Variants in RABGAP1L observed in about 807,000 individuals in gnomAD.
RABGAP1L encodes rab GTPase-activating protein 1-like.
Under a neutral mutation model 137.7 loss-of-function variants are expected in RABGAP1L, and 63 were observed. The ratio of observed to expected loss-of-function variants is 0.46; its 90% CI spans 0.37 to 0.56. RABGAP1L has a LOEUF of 0.56. Ranked by LOEUF, RABGAP1L falls within the 20% of genes least tolerant of loss-of-function variation. RABGAP1L has a pLI of 0.00. For missense variants in RABGAP1L, 1,095 were observed against 1,244.0 expected (o/e 0.88, Z 1.80); for synonymous variants, 431 against 433.7 (o/e 0.99, Z 0.08).
intron 13 of RABGAP1L, among the ~76,000 whole-genome samples, chr1:174,591,060 A>G (rs1442462089): frequency 8.2e-5 from 6 of 72,950 alleles, no homozygotes; most frequent in Non-Finnish European, 9.3e-5. Flanking sequence ...GTGTGAGATG[A>G]TATCTCATAG....
intron 15 of RABGAP1L, among the ~76,000 whole-genome samples, chr1:174,690,319 C>A (rs1301312697): frequency 6.6e-6 from 1 of 152,086 alleles, no homozygotes; most frequent in African/African-American, 2.4e-5. Context: ...AAGAGTCTTA[C>A]ATATTTTGTA....
At chr1:174,191,236 C>T (rs1318526923) in intron 1 of RABGAP1L, among the ~76,000 whole-genome samples, 2 of 152,144 alleles carry the variant, frequency 1.3e-5, no homozygotes, top group Non-Finnish European at 2.9e-5. Flanking sequence ...CATTTCATTG[C>T]ATACTGTTAA....
chr1:174,288,138 A>T (rs1366336038), intron 10 of RABGAP1L, among the ~76,000 whole-genome samples: 1 of 152,152 alleles, frequency 6.6e-6, no homozygotes, highest in Non-Finnish European at 1.5e-5. Flanking sequence ...TAGGTTATTG[A>T]TGTTACAGCT....
chr1:174,689,915 T>C (rs1004492872), intron 15 of RABGAP1L, among the ~76,000 whole-genome samples: 1 of 152,208 alleles, frequency 6.6e-6, no homozygotes, highest in Non-Finnish European at 1.5e-5. Context: ...TTGAGTGATA[T>C]ACTTACTACA....
At chr1:174,413,783 A>G (rs1047661868) in intron 13 of RABGAP1L, among the ~76,000 whole-genome samples, 1 of 152,112 alleles carries the variant, frequency 6.6e-6, no homozygotes, top group Non-Finnish European at 1.5e-5. Flanking sequence ...TGTGCAATTT[A>G]ATGTACAAGC....
chr1:174,577,706 C>T (rs1668482074), intron 13 of RABGAP1L, among the ~76,000 whole-genome samples: 1 of 152,250 alleles, frequency 6.6e-6, no homozygotes, highest in African/African-American at 2.4e-5. Flanking sequence ...ATGAAGAAAG[C>T]TGTTTCATAA....
At chr1:174,498,348 T>A (rs753949882) in intron 13 of RABGAP1L, among the ~76,000 whole-genome samples, 4 of 152,264 alleles carry the variant, frequency 2.6e-5, no homozygotes, top group Admixed American at 2.6e-4. Flanking sequence ...AATTAAAAGG[T>A]CTTGTTGAAT....
Position 174,969,266 on chromosome 1 carries a change from T to C in RABGAP1L, c.2434-11T>C, listed in dbSNP as rs1030092442. On this transcript the variant is annotated splice_polypyrimidine_tract_variant and intron_variant, in intron 20 of 25. Coordinates refer to ENST00000681986, the MANE Select transcript of RABGAP1L (RefSeq NM_001366446.1). ...CACTAATGCCCACCTCTGGCTATTG[T>C]TCTTCTGCAGAGGGAGAACCGAAGA... 5 of 1,540,520 alleles carry C rather than the reference T, an allele frequency of 3.2e-6. No homozygotes were observed. Among genetic ancestry groups the C allele is most frequent in the Non-Finnish European group, 4.4e-6 (5 of 1,137,644 alleles).
chr1:174,614,855 T>A (rs181092333), intron 13 of RABGAP1L, among the ~76,000 whole-genome samples: 15 of 152,362 alleles, frequency 9.8e-5, no homozygotes, highest in African/African-American at 3.4e-4. Context: ...TACCCTTTCT[T>A]CCAGTTGATC....
intron 10 of RABGAP1L, among the ~76,000 whole-genome samples, chr1:174,302,580 A>G (rs1677819928): frequency 6.6e-6 from 1 of 152,204 alleles, no homozygotes; most frequent in Admixed American, 6.5e-5. Flanking sequence ...ATTTTCAGGC[A>G]AGAGATAGTT....
chr1:174,223,569 A>G (rs1369732644), intron 3 of RABGAP1L, among the ~76,000 whole-genome samples: 1 of 152,086 alleles, frequency 6.6e-6, no homozygotes, highest in Non-Finnish European at 1.5e-5. Flanking sequence ...AAATTTATGT[A>G]AAATTTTAAT....
At chr1:174,728,963 C>T (rs1444793829) in intron 17 of RABGAP1L, among the ~76,000 whole-genome samples, 1 of 152,026 alleles carries the variant, frequency 6.6e-6, no homozygotes, top group Non-Finnish European at 1.5e-5. Context: ...TTTGACAGAA[C>T]TAAATAAAAC....
intron 1 of RABGAP1L, among the ~76,000 whole-genome samples, chr1:174,180,496 ACT>A (rs1666262397): frequency 6.6e-6 from 1 of 152,154 alleles, no homozygotes; most frequent in Non-Finnish European, 1.5e-5. Flanking sequence ...ATAAGGTCTC[ACT>A]CTGTCACCTA....
At chr1:174,642,742 C>A (rs1674635791) in intron 14 of RABGAP1L, among the ~76,000 whole-genome samples, 1 of 135,582 alleles carries the variant, frequency 7.4e-6, no homozygotes. Context: ...TCCCCCTCTC[C>A]CCCTCTCCCC....
intron 18 of RABGAP1L, among the ~76,000 whole-genome samples, chr1:174,778,753 C>G (rs915909120): frequency 3.3e-5 from 5 of 152,036 alleles, no homozygotes; most frequent in Admixed American, 6.6e-5. Context: ...TGCCACCATG[C>G]CCGGCTAATT....
rs150767156 is a variant in RABGAP1L, at chr1:174,762,877, C to G, written c.2211+10523C>G. Among the ~76,000 whole-genome samples the G allele has an allele frequency of 2.0e-4, 26 of 131,624 alleles. 1 individual carries two copies. In the East Asian group the frequency reaches 5.8e-3, roughly 30 times the overall value. The allele number at this position is 131,624 out of a possible 152,430, so 86.4% of individuals were successfully genotyped here. ...TTGCTCAGGCTGGAGTGCAGTGGCT[C>G]TATCTCAGCTCACTGGAACCTCCAC... On this transcript the variant is annotated intron_variant, in intron 18 of 25. Transcript: ENST00000681986.
intron 1 of RABGAP1L, among the ~76,000 whole-genome samples, chr1:174,175,027 AT>A (rs1665719547): frequency 6.6e-6 from 1 of 152,234 alleles, no homozygotes; most frequent in Non-Finnish European, 1.5e-5. Context: ...TATTACTAAG[AT>A]TTTTAAAATA....
Position 174,161,250 on chromosome 1 carries a change from TA to T in RABGAP1L, c.-34+1594del, listed in dbSNP as rs1664419492. On this transcript the variant is annotated intron_variant, in intron 1 of 25. Coordinates refer to ENST00000681986, the MANE Select transcript of RABGAP1L (RefSeq NM_001366446.1). ...TTATTATTATTATTATTATTATTAT[TA>T]TTATTTTTGAGACGAAGTTTCGCTC... is the stretch of plus-strand genomic sequence containing the variant. Among the ~76,000 whole-genome samples, 3 of 149,794 alleles carry T rather than the reference TA, an allele frequency of 2.0e-5. No homozygotes were observed. In the South Asian group the frequency reaches 6.3e-4, roughly 31 times the overall value.
chr1:174,298,895 C>G (rs1216994235), intron 10 of RABGAP1L, among the ~76,000 whole-genome samples: 2 of 152,212 alleles, frequency 1.3e-5, no homozygotes, highest in Non-Finnish European at 2.9e-5. Flanking sequence ...CCCTTTTGTT[C>G]TTTCTGAGCT....
Sources: allele counts gnomAD v4.1 joint callset (sites outside exome capture counted in the v4.1 genomes callset), GRCh38; gene constraint gnomAD v4.1.1; transcripts MANE v1.5; gene names NCBI Gene and HGNC (gene_info 2026-07-23, HGNC 2026-07-21).